Variants in HADHA observed in about 807,000 individuals in gnomAD.
HADHA encodes the protein hydroxyacyl-CoA dehydrogenase trifunctional multienzyme complex subunit alpha, also known as trifunctional enzyme subunit alpha, mitochondrial.
In HADHA, 59 loss-of-function variants were observed where a neutral mutation model predicts 91.3. That is an observed-to-expected ratio of 0.65 (90% CI 0.52 to 0.80). The LOEUF is 0.80. HADHA is among the 30% of genes least tolerant of loss of function. The pLI, the probability that HADHA is intolerant of heterozygous loss-of-function variation, is 0.00. For missense variants in HADHA, 800 were observed against 927.6 expected (o/e 0.86, Z 1.79); for synonymous variants, 320 against 338.9 (o/e 0.94, Z 0.61).
Position 26,244,600 on chromosome 2 carries a change from G to C in HADHA, c.-4C>G, listed in dbSNP as rs1263456115. 2.5e-6 allele frequency: 4 copies of C among 1,576,980 alleles called. No homozygotes were observed. In the South Asian group the frequency reaches 3.5e-5, roughly 14 times the overall value. On this transcript the variant is annotated 5_prime_UTR_variant, in exon 1 of 20. Transcript: ENST00000380649. ...CAATCGCCCGGCAGGCCACCATCTT[G>C]AGCTGAAGAGGACAGCAGTGGAGAG...
At chr2:26,196,169 CAA>C (rs1322311818) in intron 14 of HADHA, among the ~76,000 whole-genome samples, 1 of 152,098 alleles carries the variant, frequency 6.6e-6, no homozygotes, top group African/African-American at 2.4e-5. Context: ...AAAAAGGTAT[CAA>C]GAGGTTAGTA....
At position 26,209,633 on chromosome 2, in the gene HADHA, A is replaced by G. The variant is rs888827820; in HGVS notation, c.1085+147T>C. ...CTTTGAAAGCCAAAAAGTTTTTAGT[A>G]GACATAAGGGCTCAAATGTGCTCAG... On this transcript the variant is annotated intron_variant, in intron 11 of 19. Transcript: ENST00000380649. 8 of 664,070 alleles carry G rather than the reference A, an allele frequency of 1.2e-5. No homozygotes were observed. The African/African-American group carries it at 1.5e-4, about 12-fold the overall frequency. The allele number at this position is 664,070 out of a possible 1,614,324, so 41.1% of individuals were successfully genotyped here.
intron 12 of HADHA, among the ~76,000 whole-genome samples, chr2:26,202,598 G>A (rs1459913640): frequency 6.6e-6 from 1 of 152,284 alleles, no homozygotes; most frequent in East Asian, 1.9e-4. Context: ...AAAATCAGCT[G>A]TGCATGGTGG....
At chr2:26,207,097 C>T (rs573632400) in intron 11 of HADHA, among the ~76,000 whole-genome samples, 1 of 152,138 alleles carries the variant, frequency 6.6e-6, no homozygotes, top group Non-Finnish European at 1.5e-5. Context: ...ACTCAGGAGA[C>T]AGAGGTGGGA....
At position 26,197,971 on chromosome 2, in the gene HADHA, C is replaced by T. The variant is rs79286973; in HGVS notation, c.1393-194G>A. ...TGTCGGGGAATATGTTGACCTTGTT[C>T]CTTTTCCCATTCTGCCTTCCTCTAG... On this transcript the variant is annotated intron_variant, in intron 13 of 19. Coordinates refer to ENST00000380649, the MANE Select transcript of HADHA (RefSeq NM_000182.5). Among the ~76,000 whole-genome samples the T allele has an allele frequency of 0.018, 2,748 of 152,280 alleles. 84 individuals carry two copies. Among genetic ancestry groups the T allele is most frequent in the African/African-American group, 0.061 (2,524 of 41,542 alleles).
rs1477172372 is a variant in HADHA at position 26,195,206 on chromosome 2, G to A, written c.1506C>T (p.Pro502=). Residue 502 remains proline (P), a synonymous_variant, in exon 15 of 20, where the codon CCC becomes CCT. Transcript: ENST00000380649. ...EKVIGMHYFS[P]VDKMQLLEII... ...TCTCCAGCAGCTGCATCTTGTCCAC[G>A]GGAGAGAAGTAGTGCATGCCAATCA... 5 of 1,612,734 alleles carry A rather than the reference G, an allele frequency of 3.1e-6. No homozygotes were observed. Among genetic ancestry groups the A allele is most frequent in the East Asian group, 4.5e-5 (2 of 44,872 alleles).
chr2:26,238,914 C>T lies in HADHA; in HGVS notation c.180+20G>A, dbSNP rs750226812. ...TCATAATGCGGTTAGCAGAAAAAAA[C>T]TGCAAATTAAATGAGATACCTTTGA... On this transcript the variant is annotated intron_variant, in intron 3 of 19. Transcript: ENST00000380649. 3 of 1,533,076 alleles carry T rather than the reference C, an allele frequency of 2.0e-6. No homozygotes were observed. Among genetic ancestry groups the T allele is most frequent in the South Asian group, 2.2e-5 (2 of 89,418 alleles). 95.0% of individuals were successfully genotyped at this position (1,533,076 alleles called of 1,614,324 possible). A position where few individuals can be genotyped will look rare whatever the true frequency, so the allele number is the denominator to read the frequency against.
At chr2:26,222,613 G>A (rs1670399835) in intron 7 of HADHA, among the ~76,000 whole-genome samples, 1 of 152,134 alleles carries the variant, frequency 6.6e-6, no homozygotes, top group Non-Finnish European at 1.5e-5. Context: ...GGTTATGCAT[G>A]GGCTTAGGCA....
chr2:26,209,488 G>A (rs1670042817), intron 11 of HADHA, among the ~76,000 whole-genome samples: 1 of 152,166 alleles, frequency 6.6e-6, no homozygotes, highest in Non-Finnish European at 1.5e-5. Context: ...ACAGTGCAGA[G>A]GGAGTGTGTG....
rs763062995 is a variant in HADHA at position 26,232,154 on chromosome 2, A to G, written c.573+6T>C. On this transcript the variant is annotated splice_donor_region_variant and intron_variant, in intron 6 of 19. Transcript: ENST00000380649. Reference sequence around the variant, plus strand: ...TATAGCTTCACAAAGGGGATGTTAGACTCACCATTTTGGGCAGCCTTTGTG... The same window carrying G: ...TATAGCTTCACAAAGGGGATGTTAGGCTCACCATTTTGGGCAGCCTTTGTG... The G allele has an allele frequency of 6.2e-7, 1 of 1,607,798 alleles. No individual in the cohort carries two copies. Among genetic ancestry groups the G allele is most frequent in the Non-Finnish European group, 8.5e-7 (1 of 1,174,346 alleles).
intron 12 of HADHA, among the ~76,000 whole-genome samples, chr2:26,201,590 C>T (rs111638250): frequency 2.0e-5 from 3 of 152,246 alleles, no homozygotes; most frequent in Admixed American, 1.3e-4. Flanking sequence ...GCCCAATTTA[C>T]GTAAACTAAA....
intron 3 of HADHA, 148 bp from the exon 4 acceptor site, chr2:26,237,136 G>A (rs1670783068): frequency 1.4e-6 from 1 of 727,328 alleles, no homozygotes; most frequent in South Asian, 1.5e-5. Context: ...CATTCTCCCA[G>A]CAAGTCAGTA....
chr2:26,191,275 C>CTGTT lies in HADHA; in HGVS notation c.2263_2266dup (p.Ser756LysfsTer4), dbSNP rs1669489210. 1.2e-6 allele frequency: 2 copies of CTGTT among 1,612,772 alleles called. No individual in the cohort carries two copies. Among genetic ancestry groups the CTGTT allele is most frequent in the South Asian group, 2.2e-5 (2 of 91,028 alleles). ...TCACTGGTAGAACTTCTTGTTAGGG[C>CTGTT]TGTTAGCATGGTCAGCTAGCAGCTG... On this transcript the variant is annotated frameshift_variant, in exon 20 of 20. Coordinates refer to ENST00000380649, the MANE Select transcript of HADHA (RefSeq NM_000182.5). LOFTEE classifies it high-confidence loss of function.
chr2:26,196,705 T>C (rs1462617994), intron 14 of HADHA, among the ~76,000 whole-genome samples: 2 of 152,174 alleles, frequency 1.3e-5, no homozygotes, highest in Non-Finnish European at 2.9e-5. Flanking sequence ...TCCTAGATAC[T>C]TGGAGGGCAG....
chr2:26,215,592 G>A (rs149625963), intron 7 of HADHA, among the ~76,000 whole-genome samples: 175 of 152,306 alleles, frequency 1.1e-3, no homozygotes, highest in East Asian at 7.3e-3. Flanking sequence ...GAGAGCAAGA[G>A]CCTATCTTAG....
intron 4 of HADHA, among the ~76,000 whole-genome samples, chr2:26,236,359 G>GTGTGTGTGTATATA (rs141555532): frequency 1.6e-4 from 22 of 137,872 alleles, no homozygotes; most frequent in African/African-American, 5.9e-4. Context: ...GTGTGTGTGT[G>GTGTGTGTGTATATA]TATATATATA....
intron 12 of HADHA, among the ~76,000 whole-genome samples, chr2:26,201,967 T>C (rs979804560): frequency 4.0e-5 from 6 of 150,602 alleles, no homozygotes; most frequent in African/African-American, 1.5e-4. Context: ...GCTAATTTTT[T>C]TTTTTTTTTT....
intron 7 of HADHA, among the ~76,000 whole-genome samples, chr2:26,215,702 C>G (rs1197564815): frequency 2.6e-5 from 4 of 152,026 alleles, no homozygotes; most frequent in African/African-American, 9.7e-5. Context: ...GAAAGTGAAA[C>G]CATCAGAGTT....
At chr2:26,208,963 G>A (rs1318781502) in intron 11 of HADHA, among the ~76,000 whole-genome samples, 1 of 152,166 alleles carries the variant, frequency 6.6e-6, no homozygotes, top group Non-Finnish European at 1.5e-5. Flanking sequence ...AAGGTGAGAG[G>A]ATGGAGAAGG....
Sources: gnomAD v4.1 joint callset for allele counts (sites outside exome capture counted in the v4.1 genomes callset) on GRCh38, gnomAD v4.1.1 for gene constraint, MANE v1.5 for transcripts, NCBI Gene and HGNC (gene_info 2026-07-23, HGNC 2026-07-21) for gene names.